IL26: variants seen among roughly 807,000 people sequenced by gnomAD.
IL26 encodes the protein interleukin 26.
IL26 carries 23 observed loss-of-function variants against 21.7 expected under a neutral mutation model. That is an observed-to-expected ratio of 1.06 (90% confidence interval 0.76 to 1.50). The LOEUF is 1.50. Among genes scored for constraint, IL26 ranks in the 40% most tolerant of loss-of-function variants. The probability of loss-of-function intolerance (pLI) is 0.00; values close to 1 mark genes in which losing one functional copy is unlikely to be tolerated. For missense variants in IL26, 204 were observed against 196.0 expected (o/e 1.04, Z -0.24); for synonymous variants, 63 against 67.8 (o/e 0.93, Z 0.34).
intron 3 of IL26, among the ~76,000 whole-genome samples, chr12:68,221,923 G>A (rs1869057105): frequency 6.6e-6 from 1 of 152,206 alleles, no homozygotes; most frequent in African/African-American, 2.4e-5. Flanking sequence ...GAATAATTTA[G>A]TACTTTGCTC....
intron 3 of IL26, among the ~76,000 whole-genome samples, chr12:68,218,649 A>G (rs1303434339): frequency 6.6e-6 from 1 of 152,002 alleles, no homozygotes; most frequent in East Asian, 1.9e-4. Flanking sequence ...AAGGAGATAC[A>G]GAAAAAAGTT....
At chr12:68,219,320 C>A (rs891469700) in intron 3 of IL26, among the ~76,000 whole-genome samples, 1 of 151,816 alleles carries the variant, frequency 6.6e-6, no homozygotes, top group African/African-American at 2.4e-5. Flanking sequence ...GGATTCAAGT[C>A]ATACAAAGTA....
chr12:68,203,705 G>T (rs1868450942), intron 3 of IL26, among the ~76,000 whole-genome samples: 1 of 152,110 alleles, frequency 6.6e-6, no homozygotes, highest in African/African-American at 2.4e-5. Context: ...GTCTCTTCAG[G>T]GGTGTTCATG....
chr12:68,204,532 G>A (rs1428562420), intron 3 of IL26, among the ~76,000 whole-genome samples: 1 of 152,180 alleles, frequency 6.6e-6, no homozygotes, highest in African/African-American at 2.4e-5. Flanking sequence ...AGGCATTCCT[G>A]TCAACTGTGT....
At chr12:68,218,544 C>T (rs980723371) in intron 3 of IL26, among the ~76,000 whole-genome samples, 2 of 150,542 alleles carry the variant, frequency 1.3e-5, no homozygotes, top group South Asian at 4.2e-4. Flanking sequence ...ACAGAAAAGA[C>T]TGGGAAAAAA....
Position 68,225,174 on chromosome 12 carries a change from C to G in IL26, c.338G>C (p.Ser113Thr), listed in dbSNP as rs758938498. 1.9e-6 allele frequency: 3 copies of G among 1,612,824 alleles called. No homozygotes were observed. The African/African-American group carries it at 4.0e-5, about 22-fold the overall frequency. ...KKIRFVEDFH[S>T]LRQKLSHCIS... Reference sequence around the variant, plus strand: ...ACAGTGGCTCAATTTCTGCCTAAGGCTATGAAAGTCCTCCACAAAGCGTAT... The same window carrying G: ...ACAGTGGCTCAATTTCTGCCTAAGGGTATGAAAGTCCTCCACAAAGCGTAT... Residue 113 changes from serine to threonine, a missense_variant, in exon 3 of 5, where the codon AGC (serine) becomes ACC (threonine). Transcript: ENST00000229134.
At chr12:68,208,387 G>A (rs1038059133) in intron 3 of IL26, among the ~76,000 whole-genome samples, 2 of 152,128 alleles carry the variant, frequency 1.3e-5, no homozygotes, top group African/African-American at 2.4e-5. Flanking sequence ...TTATGGCCCC[G>A]AACCTCCACC....
intron 3 of IL26, among the ~76,000 whole-genome samples, chr12:68,223,180 G>T (rs971589573): frequency 6.6e-6 from 1 of 152,094 alleles, no homozygotes; most frequent in African/African-American, 2.4e-5. Flanking sequence ...TTTACCCCAG[G>T]GCATAAACTG....
At chr12:68,213,994 T>C (rs1028308954) in intron 3 of IL26, among the ~76,000 whole-genome samples, 3 of 152,154 alleles carry the variant, frequency 2.0e-5, no homozygotes, top group African/African-American at 2.4e-5. Context: ...CATTTACTGC[T>C]ATAAACTTCC....
intron 3 of IL26, among the ~76,000 whole-genome samples, chr12:68,217,160 G>T (rs921448455): frequency 6.6e-6 from 1 of 152,082 alleles, no homozygotes; most frequent in African/African-American, 2.4e-5. Flanking sequence ...TATTTTATTA[G>T]GTGCTGCAAA....
intron 3 of IL26, among the ~76,000 whole-genome samples, chr12:68,218,553 A>AC (rs924544694): frequency 6.6e-6 from 1 of 152,062 alleles, no homozygotes; most frequent in Admixed American, 6.6e-5. Flanking sequence ...ACTGGGAAAA[A>AC]ACAACCCACA....
chr12:68,211,096 C>G (rs1868716053), intron 3 of IL26, among the ~76,000 whole-genome samples: 2 of 152,160 alleles, frequency 1.3e-5, no homozygotes, highest in South Asian at 4.1e-4. Flanking sequence ...ACACCCCTAC[C>G]TCTCCCAGCC....
chr12:68,210,032 G>C (rs989155241), intron 3 of IL26, among the ~76,000 whole-genome samples: 1 of 151,432 alleles, frequency 6.6e-6, no homozygotes, highest in African/African-American at 2.4e-5. Flanking sequence ...TGTTTTTTTA[G>C]TTGACCTTAA....
At chr12:68,210,728 T>C (rs1292567643) in intron 3 of IL26, among the ~76,000 whole-genome samples, 1 of 152,176 alleles carries the variant, frequency 6.6e-6, no homozygotes, top group Non-Finnish European at 1.5e-5. Flanking sequence ...AGAATAATCT[T>C]AAACCCTTGT....
At chr12:68,223,930 G>A (rs139803642) in intron 3 of IL26, among the ~76,000 whole-genome samples, 2 of 128,112 alleles carry the variant, frequency 1.6e-5, no homozygotes, top group Admixed American at 9.4e-5. Context: ...TAACCTAGCC[G>A]ATCTACTCAC....
At chr12:68,225,420 AAAG>A (rs757256937) in intron 2 of IL26, 21 bp downstream of exon 2, 26 of 1,550,014 alleles carry the variant, frequency 1.7e-5, no homozygotes, top group South Asian at 1.6e-4. Flanking sequence ...GAAATGTAAA[AAAG>A]AAGAAGACTT....
intron 3 of IL26, among the ~76,000 whole-genome samples, chr12:68,215,164 C>A (rs1868840730): frequency 6.6e-6 from 1 of 152,138 alleles, no homozygotes; most frequent in Non-Finnish European, 1.5e-5. Flanking sequence ...TTAACTCCAT[C>A]CCCCAACACA....
chr12:68,209,538 T>G (rs1868644731), intron 3 of IL26, among the ~76,000 whole-genome samples: 5 of 152,196 alleles, frequency 3.3e-5, no homozygotes, highest in African/African-American at 1.2e-4. Context: ...CCCTGAGCCC[T>G]GGATGCTATC....
chr12:68,207,780 G>A lies in IL26; in HGVS notation c.364-5697C>T, dbSNP rs564162022. Among the ~76,000 whole-genome samples, 9 of 152,276 alleles carry A rather than the reference G, an allele frequency of 5.9e-5. No homozygotes were observed. In the East Asian group the frequency reaches 1.5e-3, roughly 26 times the overall value. On this transcript the variant is annotated intron_variant, in intron 3 of 4. Transcript: ENST00000229134. Reference sequence around the variant, plus strand: ...AACCAAATGGCTCCATATATGGTCTGTAAGTGTCTGTGTGTATAGGTTTTG... The same window carrying A: ...AACCAAATGGCTCCATATATGGTCTATAAGTGTCTGTGTGTATAGGTTTTG...
Sources: gnomAD v4.1 joint callset for allele counts (sites outside exome capture counted in the v4.1 genomes callset) on GRCh38, gnomAD v4.1.1 for gene constraint, MANE v1.5 for transcripts, NCBI Gene and HGNC (gene_info 2026-07-23, HGNC 2026-07-21) for gene names.